The following RALGAPB variants were observed in gnomAD, a reference collection of about 807,000 sequenced individuals.
RALGAPB encodes the protein Ral GTPase activating protein non-catalytic subunit beta.
RALGAPB carries 25 observed loss-of-function variants against 161.1 expected under a neutral mutation model. The ratio of observed to expected loss-of-function variants is 0.16; its 90% CI spans 0.11 to 0.22. The LOEUF (loss-of-function observed/expected upper bound fraction) is 0.22. Ranked by LOEUF, RALGAPB falls within the 10% of genes least tolerant of loss-of-function variation. The pLI, the probability that RALGAPB is intolerant of heterozygous loss-of-function variation, is 1.00. For synonymous variants in RALGAPB, 629 were observed against 626.1 expected, an observed-to-expected ratio of 1.00 and a Z score of -0.07; for missense variants, 1,391 against 1,815.2, an observed-to-expected ratio of 0.77 and a Z score of 4.25.
intron 23 of RALGAPB, among the ~76,000 whole-genome samples, chr20:38,560,562 A>G (rs1241229183): frequency 6.6e-6 from 1 of 152,188 alleles, no homozygotes; most frequent in Non-Finnish European, 1.5e-5. Flanking sequence ...AGTGTTTTAG[A>G]AGAAGCTCAG....
intron 1 of RALGAPB, among the ~76,000 whole-genome samples, chr20:38,474,041 T>G (rs1036694166): frequency 2.0e-5 from 3 of 152,330 alleles, no homozygotes; most frequent in East Asian, 3.9e-4. Flanking sequence ...TGTGAAAGAC[T>G]GTTAGGGATG....
chr20:38,530,607 T>G (rs1338776232), intron 13 of RALGAPB, among the ~76,000 whole-genome samples: 2 of 151,552 alleles, frequency 1.3e-5, no homozygotes, highest in Admixed American at 6.6e-5. Context: ...TTCTCTTTTT[T>G]TTTTTTTGAG....
intron 5 of RALGAPB, among the ~76,000 whole-genome samples, chr20:38,507,891 A>T (rs951836107): frequency 3.9e-5 from 6 of 152,006 alleles, no homozygotes; most frequent in African/African-American, 1.2e-4. Flanking sequence ...CTTTATACAT[A>T]GTCTTTATAT....
rs549675260 is a variant in RALGAPB, at chr20:38,566,475, C to T, written c.3818-621C>T. ...GAGCCTCGTCCTTATTCTATAGCTC[C>T]TGCAATTGGGTCTTTGTCTCCTGTT... On this transcript the variant is annotated intron_variant, in intron 25 of 29. Transcript: ENST00000262879. Among the ~76,000 whole-genome samples, 242 of 152,298 alleles carry T rather than the reference C, an allele frequency of 1.6e-3. 1 individual carries two copies. Among genetic ancestry groups the T allele is most frequent in the Middle Eastern group, 3.4e-3 (1 of 294 alleles).
intron 24 of RALGAPB, among the ~76,000 whole-genome samples, chr20:38,565,117 C>T (rs11699532): frequency 0.029 from 4,389 of 152,174 alleles, 85 homozygotes; most frequent in Non-Finnish European, 0.044. Flanking sequence ...ATTAAAAGCC[C>T]TGCTAATCAG....
intron 6 of RALGAPB, among the ~76,000 whole-genome samples, chr20:38,512,834 A>G (rs1204312055): frequency 3.9e-5 from 6 of 152,146 alleles, no homozygotes; most frequent in African/African-American, 1.4e-4. Context: ...ATCTCTGCTC[A>G]CTGCAAGTTC....
At chr20:38,487,689 A>T (rs1000519160) in intron 1 of RALGAPB, among the ~76,000 whole-genome samples, 1 of 152,198 alleles carries the variant, frequency 6.6e-6, no homozygotes, top group Non-Finnish European at 1.5e-5. Flanking sequence ...AAAATTATGC[A>T]ATTATCTTGC....
At chr20:38,484,302 A>G (rs2085057501) in intron 1 of RALGAPB, among the ~76,000 whole-genome samples, 1 of 152,202 alleles carries the variant, frequency 6.6e-6, no homozygotes, top group Admixed American at 6.5e-5. Flanking sequence ...ACCACGATGA[A>G]ATAAAGTGAA....
chr20:38,532,018 C>T (rs1470050974), intron 14 of RALGAPB, among the ~76,000 whole-genome samples: 3 of 151,948 alleles, frequency 2.0e-5, no homozygotes, highest in South Asian at 4.2e-4. Context: ...TGAAAGTTGC[C>T]GTTTGTTTAT....
chr20:38,508,522 G>C (rs1172346677), intron 5 of RALGAPB, among the ~76,000 whole-genome samples: 2 of 152,036 alleles, frequency 1.3e-5, no homozygotes, highest in Non-Finnish European at 2.9e-5. Context: ...CTATATAAAA[G>C]ATAGGGACAG....
chr20:38,491,058 C>T (rs2085267018), intron 2 of RALGAPB, among the ~76,000 whole-genome samples: 1 of 152,202 alleles, frequency 6.6e-6, no homozygotes, highest in Non-Finnish European at 1.5e-5. Flanking sequence ...TCTTATGTGG[C>T]TAAATCTTGC....
intron 26 of RALGAPB, among the ~76,000 whole-genome samples, chr20:38,568,141 T>C (rs2088078320): frequency 6.6e-6 from 1 of 152,180 alleles, no homozygotes; most frequent in South Asian, 2.1e-4. Context: ...GCTGCCCTTA[T>C]ACTCATTTTC....
At chr20:38,558,069 T>C (rs1397512657) in intron 22 of RALGAPB, among the ~76,000 whole-genome samples, 1 of 152,204 alleles carries the variant, frequency 6.6e-6, no homozygotes, top group Non-Finnish European at 1.5e-5. Context: ...AAAAATTATA[T>C]ACACAATATA....
chr20:38,530,077 T>C (rs2086606116), intron 13 of RALGAPB, among the ~76,000 whole-genome samples: 1 of 152,146 alleles, frequency 6.6e-6, no homozygotes, highest in Non-Finnish European at 1.5e-5. Context: ...TCCCATGGCG[T>C]TAGTCAAGGT....
intron 24 of RALGAPB, among the ~76,000 whole-genome samples, chr20:38,563,259 A>G (rs898491783): frequency 2.6e-5 from 4 of 152,234 alleles, no homozygotes; most frequent in African/African-American, 9.6e-5. Flanking sequence ...TATAATATGC[A>G]TAAGATTCAA....
chr20:38,516,148 GA>G, intron 6 of RALGAPB, 43 bp from the exon 7 acceptor site: 1 of 1,442,240 alleles, frequency 6.9e-7, no homozygotes, highest in Non-Finnish European at 9.5e-7. Flanking sequence ...TATTGCTATA[GA>G]AATTTCTAAA....
chr20:38,473,208 G>T, intron 1 of RALGAPB, 139 bp downstream of exon 1: 1 of 299,464 alleles, frequency 3.3e-6, no homozygotes, highest in Non-Finnish European at 6.1e-6. Flanking sequence ...AAGCTCATCT[G>T]CAAATTTTTG....
In RALGAPB at chr20:38,548,670, T is replaced by C. The variant is rs1437939744; in HGVS notation, c.2903-19T>C. On this transcript the variant is annotated intron_variant, in intron 19 of 29. Coordinates refer to ENST00000262879, the MANE Select transcript of RALGAPB (RefSeq NM_020336.4). ...TTGTTGTCTGAAATTAAAACTTTTA[T>C]ATACATATTTTATTCTAGATGATTT... is the stretch of plus-strand genomic sequence containing the variant. 2 of 1,570,632 alleles carry C rather than the reference T, an allele frequency of 1.3e-6. No homozygotes were observed. The highest frequency in any genetic ancestry group is 1.7e-5 in the Admixed American group (1 of 59,198).
chr20:38,565,453 G>A lies in RALGAPB; in HGVS notation c.3792G>A (p.Val1264=). The change falls in exon 25 of 30, where the codon GTG becomes GTA. Residue 1264 remains valine (V), a synonymous_variant. Transcript: ENST00000262879. ...ATGCCCTTACAGAAATTGCTTTTGTGGTTCCTTCTCCTGTGGAGTCCTTAA... is the reference window on the plus strand; with the variant it reads ...ATGCCCTTACAGAAATTGCTTTTGTAGTTCCTTCTCCTGTGGAGTCCTTAA... ...YADALTEIAF[V]VPSPVESLTD... The A allele has an allele frequency of 6.2e-7, 1 of 1,613,470 alleles. No homozygotes were observed. The highest frequency in any genetic ancestry group is 1.1e-5 in the South Asian group (1 of 91,028).
Sources: gnomAD v4.1 joint callset for allele counts (sites outside exome capture counted in the v4.1 genomes callset) on GRCh38, gnomAD v4.1.1 for gene constraint, MANE v1.5 for transcripts, NCBI Gene and HGNC (gene_info 2026-07-23, HGNC 2026-07-21) for gene names.